Variants in ITGA11 observed in about 807,000 individuals in gnomAD.
The protein encoded by ITGA11 is integrin alpha-11.
Under a neutral mutation model 141.9 loss-of-function variants are expected in ITGA11, and 97 were observed. The observed-to-expected ratio is 0.68, with a 90% CI of 0.58 to 0.81. The LOEUF is 0.81. ITGA11 is among the 30% of genes least tolerant of loss of function. The pLI is 0.00. For synonymous variants in ITGA11, 658 were observed against 624.6 expected (o/e 1.05, Z -0.80); for missense variants, 1,387 against 1,559.2 (o/e 0.89, Z 1.86).
At chr15:68,347,904 C>G (rs1453743849) in intron 10 of ITGA11, among the ~76,000 whole-genome samples, 1 of 121,270 alleles carries the variant, frequency 8.2e-6, no homozygotes, top group African/African-American at 3.4e-5. Context: ...ATGGTGCCAG[C>G]CCAGGCAGAA....
intron 2 of ITGA11, among the ~76,000 whole-genome samples, chr15:68,392,344 TA>T (rs1429431468): frequency 3.3e-5 from 5 of 152,196 alleles, no homozygotes; most frequent in African/African-American, 1.2e-4. Context: ...TCAATACTTG[TA>T]AGAAGGGAAA....
At chr15:68,334,576 T>C (rs1380056495) in intron 12 of ITGA11, among the ~76,000 whole-genome samples, 2 of 148,920 alleles carry the variant, frequency 1.3e-5, no homozygotes, top group Non-Finnish European at 3.0e-5. Context: ...AGGGAAATAA[T>C]ACACATGGGT....
chr15:68,365,038 G>A, intron 3 of ITGA11: 1 of 665,298 alleles, frequency 1.5e-6, no homozygotes, highest in Non-Finnish European at 1.9e-6. Context: ...GTCACACAGT[G>A]AGCACTCACC....
In ITGA11 at chr15:68,335,829, C is replaced by A; in HGVS notation, c.1293G>T (p.Ser431=). The stretch of plus-strand genomic sequence containing the variant: ...CCCGCCCCTGCCTGGAGGACACGAC[C>A]GATGTGACTGTGTACCCTGCCACAG... ...HGAYLGYTVT[S]VVSSRQGRVY... The change falls in exon 12 of 30, where the codon TCG becomes TCT. Residue 431 remains serine (S), a synonymous_variant. Coordinates refer to ENST00000315757, the MANE Select transcript of ITGA11 (RefSeq NM_001004439.2). The surrounding 1 kb of genome is among the most constrained non-coding windows in gnomAD (Gnocchi z 4.9). The A allele has an allele frequency of 6.2e-7, 1 of 1,613,036 alleles. No individual in the cohort carries two copies. The highest frequency in any genetic ancestry group is 8.5e-7 in the Non-Finnish European group (1 of 1,179,526).
At chr15:68,371,003 C>A (rs1895572777) in intron 2 of ITGA11, among the ~76,000 whole-genome samples, 1 of 152,176 alleles carries the variant, frequency 6.6e-6, no homozygotes, top group Non-Finnish European at 1.5e-5. Context: ...TGAAATTAAG[C>A]GTCTATGAAA....
intron 11 of ITGA11, among the ~76,000 whole-genome samples, chr15:68,336,518 C>G (rs1894365126): frequency 6.6e-6 from 1 of 152,116 alleles, no homozygotes; most frequent in Admixed American, 6.5e-5. Context: ...GCTGCCAATC[C>G]CCGCTCCCGG....
In ITGA11 at chr15:68,302,055, A is replaced by AGAGTGTGT. The variant is rs1893045960; in HGVS notation, c.*1003_*1004insACACACTC. The AGAGTGTGT allele has an allele frequency of 1.9e-5, 2 of 103,808 alleles. No homozygotes were observed. The highest frequency in any genetic ancestry group is 7.3e-5 in the African/African-American group (2 of 27,402). The allele number at this position is 103,808 out of a possible 1,614,324, so 6.4% of individuals were successfully genotyped here. On this transcript the variant is annotated 3_prime_UTR_variant, in exon 30 of 30. Transcript: ENST00000315757. ...CGGGCATGAGGGAAGGATGGGAGGC[A>AGAGTGTGT]GTGTGTGTGTGTGTGTGTGTGTGTG...
In ITGA11 at chr15:68,307,179, T is replaced by G. The variant is rs974347839; in HGVS notation, c.3381+169A>C. ...TGTTGCCCCTGAGGCTTTGTCTTGC[T>G]TTTTTCCCTCTTTTCAGCGGCTGCC... On this transcript the variant is annotated intron_variant, in intron 28 of 29. Transcript: ENST00000315757. This position sits in a 1 kb window ranked among gnomAD's most constrained non-coding sequence, Gnocchi z 6.1. Among the ~76,000 whole-genome samples, 4 of 152,248 alleles carry G rather than the reference T, an allele frequency of 2.6e-5. No individual in the cohort carries two copies. The highest frequency in any genetic ancestry group is 9.6e-5 in the African/African-American group (4 of 41,476).
chr15:68,323,026 A>C (rs1161492363), intron 18 of ITGA11, among the ~76,000 whole-genome samples: 1 of 152,214 alleles, frequency 6.6e-6, no homozygotes, highest in Non-Finnish European at 1.5e-5. Flanking sequence ...AGCCCAAACC[A>C]GGGGAGAGGA....
intron 10 of ITGA11, among the ~76,000 whole-genome samples, chr15:68,348,589 T>C (rs1257954421): frequency 2.0e-5 from 3 of 152,216 alleles, no homozygotes; most frequent in African/African-American, 7.2e-5. Context: ...GTGGGAAGGA[T>C]CACCTGGGTG....
Position 68,335,568 on chromosome 15 carries a change from G to T in ITGA11, c.1425+129C>A. 1 of 1,048,446 alleles carries T rather than the reference G, an allele frequency of 9.5e-7. No individual in the cohort carries two copies. 64.9% of individuals were successfully genotyped at this position (1,048,446 alleles called of 1,614,324 possible). On this transcript the variant is annotated intron_variant, in intron 12 of 29. Transcript: ENST00000315757. The surrounding 1 kb of genome is among the most constrained non-coding windows in gnomAD (Gnocchi z 4.9). ...TCCTGCCACTCCTGGCAGCATGAAG[G>T]TGGCTGGAGGAACATGACTGCCCTT... is the stretch of plus-strand genomic sequence containing the variant.
At position 68,328,863 on chromosome 15, in the gene ITGA11, G is replaced by C. The variant is rs1894067885; in HGVS notation, c.1902-601C>G. Among the ~76,000 whole-genome samples, 1 of 152,170 alleles carries C rather than the reference G, an allele frequency of 6.6e-6. No individual in the cohort carries two copies. The highest frequency in any genetic ancestry group is 1.5e-5 in the Non-Finnish European group (1 of 68,038). On this transcript the variant is annotated intron_variant, in intron 15 of 29. Transcript: ENST00000315757. The surrounding 1 kb of genome is among the most constrained non-coding windows in gnomAD (Gnocchi z 4.8). ...AGAGCGAGGCGTTAAAGCACCCCAG[G>C]TGATTCCAACGTGCAGCCAGCATCC... is the stretch of plus-strand genomic sequence containing the variant.
chr15:68,395,477 AC>A (rs1191785709), intron 2 of ITGA11, among the ~76,000 whole-genome samples: 2 of 151,394 alleles, frequency 1.3e-5, no homozygotes, highest in Admixed American at 1.3e-4. Flanking sequence ...TGTAGAGAAG[AC>A]TTTAAATGAC....
chr15:68,386,647 C>A (rs183060305), intron 2 of ITGA11, among the ~76,000 whole-genome samples: 37 of 152,344 alleles, frequency 2.4e-4, no homozygotes, highest in African/African-American at 8.7e-4. Context: ...CTGCAGGGGG[C>A]AGCCCATCTC....
In ITGA11 at chr15:68,321,781, C is replaced by G. The variant is rs966202701; in HGVS notation, c.2323-278G>C. Among the ~76,000 whole-genome samples, 3 of 152,160 alleles carry G rather than the reference C, an allele frequency of 2.0e-5. No homozygotes were observed. The highest frequency in any genetic ancestry group is 2.0e-4 in the Admixed American group (3 of 15,278). ...CACCCAGCAGAGCGGTTCTGGTCAA[C>G]ATTTATTGATCATCTACTGTGTGTG... On this transcript the variant is annotated intron_variant, in intron 18 of 29. Coordinates refer to ENST00000315757, the MANE Select transcript of ITGA11 (RefSeq NM_001004439.2). The surrounding 1 kb of genome is among the most constrained non-coding windows in gnomAD (Gnocchi z 4.9).
intron 1 of ITGA11, among the ~76,000 whole-genome samples, chr15:68,411,307 A>G (rs1896766073): frequency 6.6e-6 from 1 of 152,200 alleles, no homozygotes; most frequent in Admixed American, 6.5e-5. Context: ...CAAATTATCA[A>G]CAACGACAAC....
chr15:68,398,818 T>A (rs1342637534), intron 2 of ITGA11, among the ~76,000 whole-genome samples: 3 of 48,298 alleles, frequency 6.2e-5, no homozygotes, highest in African/African-American at 2.4e-4. Flanking sequence ...TTATTTTTAA[T>A]AGTATAAAAT....
rs981401222 is a variant in ITGA11, at chr15:68,324,709, T to C, written c.2322+422A>G. ...CTTTTTGCAATACTTAGGAGCTCTG[T>C]GAATCAGTTAGTCACCTAACAAGCA... is the stretch of plus-strand genomic sequence containing the variant. On this transcript the variant is annotated intron_variant, in intron 18 of 29. Transcript: ENST00000315757. The surrounding 1 kb of genome is among the most constrained non-coding windows in gnomAD (Gnocchi z 6.3). Among the ~76,000 whole-genome samples the C allele has an allele frequency of 6.6e-6, 1 of 152,002 alleles. No homozygotes were observed. Among genetic ancestry groups the C allele is most frequent in the Non-Finnish European group, 1.5e-5 (1 of 68,022 alleles).
rs1282544084 is a variant in ITGA11, at chr15:68,303,301, A to G, written c.3496-171T>C. On this transcript the variant is annotated intron_variant, in intron 29 of 29. Coordinates refer to ENST00000315757, the MANE Select transcript of ITGA11 (RefSeq NM_001004439.2). The surrounding 1 kb of genome is among the most constrained non-coding windows in gnomAD (Gnocchi z 5.3). ...GAACTGCCTCTGTGGACTGGAACAC[A>G]GTGGATGAGACCATGGGCTGCATGC... Among the ~76,000 whole-genome samples, 1 of 152,164 alleles carries G rather than the reference A, an allele frequency of 6.6e-6. No individual in the cohort carries two copies. Among genetic ancestry groups the G allele is most frequent in the Non-Finnish European group, 1.5e-5 (1 of 68,030 alleles).
Sources: gnomAD v4.1 joint callset for allele counts (sites outside exome capture counted in the v4.1 genomes callset) on GRCh38, gnomAD v4.1.1 for gene constraint, Gnocchi (gnomAD v3.1) non-coding constraint, MANE v1.5 for transcripts, NCBI Gene and HGNC (gene_info 2026-07-23, HGNC 2026-07-21) for gene names.